STAMBP: variants seen among roughly 807,000 people sequenced by gnomAD.
The protein encoded by STAMBP is STAM-binding protein.
STAMBP carries 31 observed loss-of-function variants against 50.7 expected under a neutral mutation model. That is an observed-to-expected ratio of 0.61 (90% CI 0.46 to 0.83). The LOEUF is 0.83. Ranked by LOEUF, STAMBP falls within the 40% of genes least tolerant of loss-of-function variation. The pLI is 0.00. For missense variants in STAMBP, 472 were observed against 518.9 expected, an observed-to-expected ratio of 0.91 and a Z score of 0.88; for synonymous variants, 211 against 192.4, an observed-to-expected ratio of 1.10 and a Z score of -0.80.
At chr2:73,832,857 C>A (rs565031893) in intron 2 of STAMBP, among the ~76,000 whole-genome samples, 7 of 152,092 alleles carry the variant, frequency 4.6e-5, no homozygotes, top group African/African-American at 1.4e-4. Context: ...GGAAAGTATG[C>A]GGAAGAATGG....
intron 5 of STAMBP, among the ~76,000 whole-genome samples, chr2:73,848,143 C>G (rs1413567710): frequency 6.6e-6 from 1 of 152,138 alleles, no homozygotes; most frequent in Admixed American, 6.5e-5. Flanking sequence ...TACGCAAAAG[C>G]AGAACATCTT....
Position 73,829,343 on chromosome 2 carries a change from TC to T in STAMBP, c.-178del, listed in dbSNP as rs1673601934. ...GCCCCCTCCGCTCATTCCTGCTACT[TC>T]CTTTCTCCTCCTCGTATTTCCCCCT... On this transcript the variant is annotated 5_prime_UTR_variant, in exon 1 of 10. Transcript: ENST00000394070. 6.6e-6 allele frequency: 1 copy of T among 152,496 alleles called. No individual in the cohort carries two copies. Among genetic ancestry groups the T allele is most frequent in the African/African-American group, 2.4e-5 (1 of 41,446 alleles). The allele number at this position is 152,496 out of a possible 1,614,324, so 9.4% of individuals were successfully genotyped here. A position where few individuals can be genotyped will look rare whatever the true frequency, so the allele number is the denominator to read the frequency against.
chr2:73,854,048 C>G (rs1049808348), intron 7 of STAMBP, among the ~76,000 whole-genome samples: 1 of 152,098 alleles, frequency 6.6e-6, no homozygotes, highest in Non-Finnish European at 1.5e-5. Context: ...GCCCAATGAG[C>G]CAACAATGGA....
At chr2:73,862,150 A>AG in intron 9 of STAMBP, 53 bp from the exon 10 acceptor site, 1 of 1,550,904 alleles carries the variant, frequency 6.4e-7, no homozygotes, top group Non-Finnish European at 8.7e-7. Flanking sequence ...AAAAAAAAAA[A>AG]AAAGACTTTT....
At chr2:73,840,775 A>T (rs1675295950) in intron 2 of STAMBP, among the ~76,000 whole-genome samples, 1 of 152,022 alleles carries the variant, frequency 6.6e-6, no homozygotes, top group Admixed American at 6.6e-5. Flanking sequence ...TCAAAAAAAA[A>T]ATAAATAGTA....
chr2:73,869,683 A>G (rs1679123469), downstream of STAMBP, among the ~76,000 whole-genome samples: 1 of 152,202 alleles, frequency 6.6e-6, no homozygotes, highest in African/African-American at 2.4e-5. Flanking sequence ...TATGGAACAA[A>G]CCTGCACATT....
rs1678739702 is a variant in STAMBP at position 73,865,009 on chromosome 2, G to A, written c.*2750G>A. The A allele has an allele frequency of 6.6e-6, 1 of 152,238 alleles. No individual in the cohort carries two copies. Among genetic ancestry groups the A allele is most frequent in the Non-Finnish European group, 1.5e-5 (1 of 68,050 alleles). 9.4% of individuals were successfully genotyped at this position (152,238 alleles called of 1,614,324 possible). On this transcript the variant is annotated 3_prime_UTR_variant, in exon 10 of 10. Transcript: ENST00000394070. ...CCAGATACCATAAAAGGCAGCATGA[G>A]AGAAACATTCCCTTGGGCCAGTGTC...
chr2:73,871,644 G>C (rs1430269506), downstream of STAMBP, among the ~76,000 whole-genome samples: 2 of 152,094 alleles, frequency 1.3e-5, no homozygotes, highest in Non-Finnish European at 2.9e-5. Flanking sequence ...TTGTCATCAA[G>C]GCTAATTTTT....
intron 2 of STAMBP, among the ~76,000 whole-genome samples, chr2:73,841,892 C>G (rs1363220570): frequency 2.6e-5 from 4 of 152,208 alleles, no homozygotes; most frequent in African/African-American, 9.7e-5. Context: ...TATCCCCATT[C>G]AGAAAACTGG....
rs569862676 is a variant in STAMBP, at chr2:73,850,925, G to A, written c.1005+412G>A. ...GAGGTTAATTCAGATGCTTGCATTT[G>A]GTCTTTCTTAAAGCACCTTTATATA... On this transcript the variant is annotated intron_variant, in intron 7 of 9. Coordinates refer to ENST00000394070, the MANE Select transcript of STAMBP (RefSeq NM_213622.4). This position sits in a 1 kb window ranked among gnomAD's most constrained non-coding sequence, Gnocchi z 4.3. Among the ~76,000 whole-genome samples, 185 of 152,136 alleles carry A rather than the reference G, an allele frequency of 1.2e-3. 1 individual carries two copies. The highest frequency in any genetic ancestry group is 2.3e-3 in the Non-Finnish European group (157 of 68,018).
chr2:73,835,140 A>G (rs1674554279), intron 2 of STAMBP, among the ~76,000 whole-genome samples: 1 of 151,994 alleles, frequency 6.6e-6, no homozygotes, highest in Non-Finnish European at 1.5e-5. Flanking sequence ...TTGGGAGGCC[A>G]CCCTGGAGTT....
chr2:73,852,396 T>C (rs920077522), intron 7 of STAMBP, among the ~76,000 whole-genome samples: 4 of 152,250 alleles, frequency 2.6e-5, no homozygotes, highest in East Asian at 1.9e-4. Flanking sequence ...ATTGATGAGA[T>C]ATTAAATCAC....
downstream of STAMBP, among the ~76,000 whole-genome samples, chr2:73,868,918 G>A (rs1277345667): frequency 6.6e-6 from 1 of 152,112 alleles, no homozygotes; most frequent in Non-Finnish European, 1.5e-5. Context: ...TCGTTAACAT[G>A]ATAAAATAAA....
chr2:73,837,219 AC>A (rs1235625202), intron 2 of STAMBP, among the ~76,000 whole-genome samples: 1 of 152,162 alleles, frequency 6.6e-6, no homozygotes, highest in African/African-American at 2.4e-5. Flanking sequence ...TAGCATCTAA[AC>A]ATCACTACTT....
chr2:73,854,704 C>T (rs1391347704), intron 7 of STAMBP, among the ~76,000 whole-genome samples: 1 of 152,110 alleles, frequency 6.6e-6, no homozygotes, highest in African/African-American at 2.4e-5. Context: ...TAAAAACAAA[C>T]AGGCTGAGTA....
intron 2 of STAMBP, among the ~76,000 whole-genome samples, chr2:73,839,066 A>C (rs1033023922): frequency 1.3e-5 from 2 of 152,170 alleles, no homozygotes; most frequent in African/African-American, 4.8e-5. Flanking sequence ...CATCTGCCTC[A>C]CCACTCCTCT....
chr2:73,854,071 C>A (rs1455130191), intron 7 of STAMBP, among the ~76,000 whole-genome samples: 2 of 152,096 alleles, frequency 1.3e-5, no homozygotes, highest in Non-Finnish European at 2.9e-5. Flanking sequence ...TGTAAAAGGG[C>A]AGGAGAGACA....
Position 73,829,254 on chromosome 2 carries a change from GT to G in STAMBP, c.-268del, listed in dbSNP as rs1673583852. The G allele has an allele frequency of 1.3e-5, 2 of 152,316 alleles. No individual in the cohort carries two copies. The highest frequency in any genetic ancestry group is 4.8e-5 in the African/African-American group (2 of 41,440). The allele number at this position is 152,316 out of a possible 1,614,324, so 9.4% of individuals were successfully genotyped here. ...GATTGTGCCTGGGGTTGGCAAGTTC[GT>G]CTTGAGTGCCTTCAAGAAGGGTTCC... is the stretch of plus-strand genomic sequence containing the variant. On this transcript the variant is annotated 5_prime_UTR_variant, in exon 1 of 10. It introduces an in-frame stop codon into an upstream open reading frame of the 5' UTR. Transcript: ENST00000394070.
At chr2:73,837,609 A>G (rs1674881482) in intron 2 of STAMBP, among the ~76,000 whole-genome samples, 1 of 149,330 alleles carries the variant, frequency 6.7e-6, no homozygotes, top group South Asian at 2.1e-4. Context: ...AAAAAAAAAA[A>G]AAAGAACACA....
Sources: allele counts gnomAD v4.1 joint callset (sites outside exome capture counted in the v4.1 genomes callset), GRCh38; gene constraint gnomAD v4.1.1; non-coding constraint Gnocchi (gnomAD v3.1); transcripts MANE v1.5; gene names NCBI Gene and HGNC (gene_info 2026-07-23, HGNC 2026-07-21).